Variants in INPP4B observed in about 807,000 individuals in gnomAD.
INPP4B encodes inositol polyphosphate-4-phosphatase type II B, also known as inositol polyphosphate 4-phosphatase type II.
Under a neutral mutation model 122.5 loss-of-function variants are expected in INPP4B, and 55 were observed. The observed-to-expected ratio is 0.45, with a 90% CI of 0.36 to 0.56. The LOEUF is 0.56. Ranked by LOEUF, INPP4B falls within the 20% of genes least tolerant of loss-of-function variation. The pLI, the probability that INPP4B is intolerant of heterozygous loss-of-function variation, is 0.00. For synonymous variants in INPP4B, 403 were observed against 388.7 expected, an observed-to-expected ratio of 1.04 and a Z score of -0.43; for missense variants, 1,000 against 1,097.7, an observed-to-expected ratio of 0.91 and a Z score of 1.26.
chr4:142,375,637 T>C (rs1328744621), intron 7 of INPP4B, among the ~76,000 whole-genome samples: 1 of 151,938 alleles, frequency 6.6e-6, no homozygotes, highest in Non-Finnish European at 1.5e-5. Flanking sequence ...AGGTGTACTT[T>C]CTTGAATAAA....
chr4:142,190,207 G>GT (rs768014701), intron 15 of INPP4B, among the ~76,000 whole-genome samples: 9,371 of 36,842 alleles, frequency 0.25, 989 homozygotes, highest in African/African-American at 0.36. Flanking sequence ...GTTTATTTTT[G>GT]TTTTTTTTTT....
intron 23 of INPP4B, among the ~76,000 whole-genome samples, chr4:142,103,280 A>G (rs1436999445): frequency 6.6e-6 from 1 of 151,998 alleles, no homozygotes; most frequent in Non-Finnish European, 1.5e-5. Flanking sequence ...TGGGATCCTT[A>G]GTCTTCCTTT....
At chr4:142,194,330 AAG>A (rs1223839566) in intron 14 of INPP4B, among the ~76,000 whole-genome samples, 6 of 152,200 alleles carry the variant, frequency 3.9e-5, no homozygotes, top group African/African-American at 1.2e-4. Flanking sequence ...AGCTCTTATT[AAG>A]ATAGCAGAAC....
intron 25 of INPP4B, among the ~76,000 whole-genome samples, chr4:142,059,482 G>C (rs1199527145): frequency 6.6e-6 from 1 of 152,072 alleles, no homozygotes; most frequent in Admixed American, 6.6e-5. Context: ...AGTAGATTCT[G>C]AGGTTTTTCA....
chr4:142,734,350 G>C (rs990058274), intron 1 of INPP4B, among the ~76,000 whole-genome samples: 4 of 152,000 alleles, frequency 2.6e-5, no homozygotes, highest in Non-Finnish European at 5.9e-5. Context: ...CTAATCTATC[G>C]TATTTTATTA....
chr4:142,124,185 G>A (rs1028395948), intron 19 of INPP4B, among the ~76,000 whole-genome samples: 6 of 152,098 alleles, frequency 3.9e-5, no homozygotes, highest in Non-Finnish European at 8.8e-5. Context: ...AGGATTCATG[G>A]GGGAGCTGTA....
intron 1 of INPP4B, among the ~76,000 whole-genome samples, chr4:142,761,579 ATTG>A (rs1435907502): frequency 6.6e-6 from 1 of 152,070 alleles, no homozygotes; most frequent in Non-Finnish European, 1.5e-5. Context: ...CATTGTAATA[ATTG>A]TTGTAAGAGA....
intron 2 of INPP4B, among the ~76,000 whole-genome samples, chr4:142,723,983 C>T (rs1765025328): frequency 6.6e-6 from 1 of 152,104 alleles, no homozygotes; most frequent in East Asian, 1.9e-4. Flanking sequence ...ATCTCACTTC[C>T]AACCTCCACA....
intron 9 of INPP4B, among the ~76,000 whole-genome samples, chr4:142,275,542 C>T (rs1190163534): frequency 6.6e-6 from 1 of 151,774 alleles, no homozygotes; most frequent in African/African-American, 2.4e-5. Context: ...CAAACAGATT[C>T]ACTGAGTGAG....
At chr4:142,459,391 G>A (rs1278318569) in intron 3 of INPP4B, among the ~76,000 whole-genome samples, 2 of 151,498 alleles carry the variant, frequency 1.3e-5, no homozygotes, top group Non-Finnish European at 2.9e-5. Flanking sequence ...ATAAATTTTT[G>A]CATCAAAAAC....
chr4:142,263,662 A>ATATG (rs964846128), intron 10 of INPP4B, among the ~76,000 whole-genome samples: 3 of 90,650 alleles, frequency 3.3e-5, no homozygotes, highest in African/African-American at 1.5e-4. Flanking sequence ...ATATATATAT[A>ATATG]TATATATATA....
chr4:142,035,492 G>C (rs1389752350), intron 25 of INPP4B, among the ~76,000 whole-genome samples: 1 of 152,136 alleles, frequency 6.6e-6, no homozygotes, highest in East Asian at 1.9e-4. Flanking sequence ...TGGTAGAGAT[G>C]TATAATCAAA....
At chr4:142,647,629 T>A (rs2150517480) in intron 2 of INPP4B, among the ~76,000 whole-genome samples, 2 of 152,240 alleles carry the variant, frequency 1.3e-5, no homozygotes, top group African/African-American at 4.8e-5. Flanking sequence ...AATTCAAAAA[T>A]ACCTAGCTAG....
intron 25 of INPP4B, among the ~76,000 whole-genome samples, chr4:142,042,599 G>A (rs1047570511): frequency 2.8e-4 from 42 of 150,844 alleles, no homozygotes; most frequent in Admixed American, 2.0e-3. Flanking sequence ...GTCTCACTCC[G>A]TCGCCCAGGC....
chr4:142,033,354 T>A (rs2152285619), intron 25 of INPP4B, among the ~76,000 whole-genome samples: 1 of 152,102 alleles, frequency 6.6e-6, no homozygotes, highest in Admixed American at 6.5e-5. Context: ...CATGGGCCAG[T>A]GGTCATTTCC....
chr4:142,134,876 T>C, intron 18 of INPP4B, among the ~76,000 whole-genome samples: 1 of 152,086 alleles, frequency 6.6e-6, no homozygotes, highest in South Asian at 2.1e-4. Context: ...CATTGATCTT[T>C]TTCCAATGAA....
At chr4:142,203,101 A>C (rs1323667673) in intron 14 of INPP4B, among the ~76,000 whole-genome samples, 1 of 152,130 alleles carries the variant, frequency 6.6e-6, no homozygotes, top group Non-Finnish European at 1.5e-5. Flanking sequence ...TGATCACCCC[A>C]GACCCTCTTT....
chr4:142,097,749 T>C (rs1368295385), intron 23 of INPP4B, among the ~76,000 whole-genome samples: 1 of 152,190 alleles, frequency 6.6e-6, no homozygotes, highest in Non-Finnish European at 1.5e-5. Context: ...CACTATTTAA[T>C]CCTTGTATCA....
intron 2 of INPP4B, among the ~76,000 whole-genome samples, chr4:142,661,847 G>A (rs1755226604): frequency 6.6e-6 from 1 of 152,182 alleles, no homozygotes; most frequent in Admixed American, 6.5e-5. Flanking sequence ...GATGCATATG[G>A]AGCTCAGGAG....
Sources: gnomAD v4.1 joint callset for allele counts (sites outside exome capture counted in the v4.1 genomes callset) on GRCh38, gnomAD v4.1.1 for gene constraint, MANE v1.5 for transcripts, NCBI Gene and HGNC (gene_info 2026-07-23, HGNC 2026-07-21) for gene names.